ARID5B: variants seen among roughly 807,000 people sequenced by gnomAD.
The protein encoded by ARID5B is AT-rich interaction domain 5B, also known as AT-rich interactive domain-containing protein 5B.
Under a neutral mutation model 97.2 loss-of-function variants are expected in ARID5B, and 13 were observed. The ratio of observed to expected loss-of-function variants is 0.13; its 90% CI spans 0.09 to 0.21. The LOEUF is 0.21. ARID5B is among the 10% of genes least tolerant of loss of function. ARID5B has a pLI of 1.00. For missense variants in ARID5B, 1,210 were observed against 1,465.3 expected (o/e 0.83, Z 2.84); for synonymous variants, 556 against 570.3 (o/e 0.97, Z 0.36).
At chr10:62,061,820 C>T (rs751313361) in intron 7 of ARID5B, among the ~76,000 whole-genome samples, 5 of 152,138 alleles carry the variant, frequency 3.3e-5, no homozygotes, top group Admixed American at 2.0e-4. Flanking sequence ...TTTATGCCAA[C>T]GTGGCATAAT....
At chr10:61,965,274 C>G (rs1838528851) in intron 3 of ARID5B, among the ~76,000 whole-genome samples, 1 of 152,144 alleles carries the variant, frequency 6.6e-6, no homozygotes. Flanking sequence ...AAACGTACAT[C>G]TCCTTTGAAT....
At chr10:61,910,811 T>A (rs1004035954) in intron 2 of ARID5B, among the ~76,000 whole-genome samples, 24 of 152,256 alleles carry the variant, frequency 1.6e-4, no homozygotes, top group Non-Finnish European at 3.2e-4. Context: ...ATTTGACATT[T>A]ATCACGCAGA....
intron 3 of ARID5B, among the ~76,000 whole-genome samples, chr10:61,979,359 A>G (rs1838745178): frequency 6.6e-6 from 1 of 152,198 alleles, no homozygotes. Flanking sequence ...ATGGAATCCA[A>G]TCTTGTTTTT....
intron 2 of ARID5B, among the ~76,000 whole-genome samples, chr10:61,907,650 G>A (rs1028619003): frequency 6.6e-6 from 1 of 152,258 alleles, no homozygotes; most frequent in Admixed American, 6.5e-5. Context: ...CTACCAAGCA[G>A]GCCTTTTAGA....
At chr10:62,012,552 A>AAGT (rs1479127319) in intron 4 of ARID5B, among the ~76,000 whole-genome samples, 2 of 152,048 alleles carry the variant, frequency 1.3e-5, no homozygotes, top group Non-Finnish European at 2.9e-5. Context: ...AAACAAAGAG[A>AAGT]AGTTAAATAA....
chr10:62,080,006 G>A (rs879711325), intron 8 of ARID5B, among the ~76,000 whole-genome samples: 3 of 152,122 alleles, frequency 2.0e-5, no homozygotes, highest in Admixed American at 1.3e-4. Flanking sequence ...AGTATGTAAG[G>A]CAGTTTGGCT....
rs370318099 is a variant in ARID5B, at chr10:62,018,050, G to A, written c.733+17729G>A. ...CTCTGAGATGATTTAAATAGATTCAGTTGGAAGAAAAGATCCAGTGTCAAA... is the reference window on the plus strand; with the variant it reads ...CTCTGAGATGATTTAAATAGATTCAATTGGAAGAAAAGATCCAGTGTCAAA... On this transcript the variant is annotated intron_variant, in intron 4 of 9. Coordinates refer to ENST00000279873, the MANE Select transcript of ARID5B (RefSeq NM_032199.3). Among the ~76,000 whole-genome samples, 11 of 152,346 alleles carry A rather than the reference G, an allele frequency of 7.2e-5. No individual in the cohort carries two copies. The East Asian group carries it at 1.9e-3, about 27-fold the overall frequency.
At chr10:61,908,271 T>C (rs1047641699) in intron 2 of ARID5B, among the ~76,000 whole-genome samples, 1 of 152,206 alleles carries the variant, frequency 6.6e-6, no homozygotes, top group Admixed American at 6.5e-5. Context: ...CAAAATAGTT[T>C]GCGATGTGAC....
intron 2 of ARID5B, among the ~76,000 whole-genome samples, chr10:61,936,206 A>C (rs920296251): frequency 6.6e-5 from 10 of 152,230 alleles, no homozygotes; most frequent in Non-Finnish European, 1.2e-4. Flanking sequence ...GCCTATGTTC[A>C]AATTGGCCCT....
intron 4 of ARID5B, among the ~76,000 whole-genome samples, chr10:62,023,880 G>A (rs891630628): frequency 1.3e-5 from 2 of 152,200 alleles, no homozygotes; most frequent in East Asian, 1.9e-4. Context: ...TAAAGTAGTC[G>A]TTATGATCAG....
intron 2 of ARID5B, among the ~76,000 whole-genome samples, chr10:61,931,887 C>G (rs1202943811): frequency 6.6e-6 from 1 of 152,140 alleles, no homozygotes; most frequent in Non-Finnish European, 1.5e-5. Flanking sequence ...AACTGGAACT[C>G]TCATGCATTG....
intron 4 of ARID5B, among the ~76,000 whole-genome samples, chr10:62,029,882 C>T (rs1298421838): frequency 6.6e-6 from 1 of 152,136 alleles, no homozygotes; most frequent in East Asian, 1.9e-4. Context: ...TCTCCTTTAA[C>T]GATGTGGGGG....
intron 3 of ARID5B, among the ~76,000 whole-genome samples, chr10:61,954,459 A>G (rs1003905816): frequency 3.9e-5 from 6 of 152,186 alleles, no homozygotes; most frequent in African/African-American, 9.7e-5. Context: ...CCTGCTTTTT[A>G]CTTCCTCTGA....
intron 3 of ARID5B, among the ~76,000 whole-genome samples, chr10:61,953,870 C>T (rs183496184): frequency 6.6e-6 from 1 of 152,242 alleles, no homozygotes; most frequent in African/African-American, 2.4e-5. Flanking sequence ...TAAACCCTTA[C>T]TCAAGAAAGC....
intron 3 of ARID5B, among the ~76,000 whole-genome samples, chr10:61,996,082 C>T (rs143633839): frequency 1.2e-4 from 18 of 152,226 alleles, no homozygotes; most frequent in African/African-American, 4.3e-4. Flanking sequence ...GGGTTCTAGG[C>T]TGGCAACACA....
chr10:61,925,551 T>C (rs1844089413), intron 2 of ARID5B, among the ~76,000 whole-genome samples: 1 of 152,168 alleles, frequency 6.6e-6, no homozygotes, highest in Non-Finnish European at 1.5e-5. Context: ...TCTTTGCATA[T>C]CAAATGCTTG....
In ARID5B at chr10:62,006,934, C is replaced by T. The variant is rs553794217; in HGVS notation, c.733+6613C>T. 7.2e-5 allele frequency among the ~76,000 whole-genome samples: 11 copies of T among 152,208 alleles called. No homozygotes were observed. The South Asian group carries it at 1.0e-3, about 14-fold the overall frequency. ...CATGGGTACAATAAACTTTTGTTCA[C>T]GCCGTAAGAAATGATTTGTGTCTAT... On this transcript the variant is annotated intron_variant, in intron 4 of 9. Transcript: ENST00000279873.
Position 62,069,708 on chromosome 10 carries a change from C to T in ARID5B, c.1110C>T (p.Ala370=). 6.2e-7 allele frequency: 1 copy of T among 1,614,056 alleles called. No individual in the cohort carries two copies. Among genetic ancestry groups the T allele is most frequent in the Non-Finnish European group, 8.5e-7 (1 of 1,179,968 alleles). The change falls in exon 8 of 10, where the codon GCC becomes GCT. Residue 370 remains alanine, a synonymous_variant. Transcript: ENST00000279873. ...CATTGCCATTTTTTCAGATAACAGCCCGCCGTCAGTGGAAACATATTTATG... is the reference window on the plus strand; with the variant it reads ...CATTGCCATTTTTTCAGATAACAGCTCGCCGTCAGTGGAAACATATTTATG... ...QKLGGYETIT[A]RRQWKHIYDE...
intron 4 of ARID5B, among the ~76,000 whole-genome samples, chr10:62,019,047 T>G (rs1318594247): frequency 6.6e-6 from 1 of 152,202 alleles, no homozygotes; most frequent in Non-Finnish European, 1.5e-5. Context: ...GGAAGCTCCT[T>G]CCATCAATCA....
Sources: allele counts gnomAD v4.1 joint callset (sites outside exome capture counted in the v4.1 genomes callset), GRCh38; gene constraint gnomAD v4.1.1; transcripts MANE v1.5; gene names NCBI Gene and HGNC (gene_info 2026-07-23, HGNC 2026-07-21).